The following SPOCK1 variants were observed in gnomAD, a reference collection of about 807,000 sequenced individuals.
SPOCK1 encodes the protein testican-1.
Under a neutral mutation model 55.3 loss-of-function variants are expected in SPOCK1, and 23 were observed. The observed-to-expected ratio is 0.42, with a 90% CI of 0.30 to 0.59. The LOEUF (loss-of-function observed/expected upper bound fraction) is 0.59. Among genes scored for constraint, SPOCK1 ranks in the 20% least tolerant of loss-of-function variants. The pLI, the probability that SPOCK1 is intolerant of heterozygous loss-of-function variation, is 0.22. For missense variants in SPOCK1, 499 were observed against 552.5 expected (o/e 0.90, Z 0.97); for synonymous variants, 226 against 221.0 (o/e 1.02, Z -0.20).
intron 2 of SPOCK1, among the ~76,000 whole-genome samples, chr5:137,425,239 G>C (rs1752584214): frequency 6.6e-6 from 1 of 152,124 alleles, no homozygotes; most frequent in Non-Finnish European, 1.5e-5. Context: ...TGTACTTATT[G>C]ATCTGCTCTG....
At chr5:137,173,684 G>T (rs1356996752) in intron 3 of SPOCK1, among the ~76,000 whole-genome samples, 2 of 152,084 alleles carry the variant, frequency 1.3e-5, no homozygotes, top group African/African-American at 4.8e-5. Context: ...AGTTTGAATG[G>T]CATATGAGGT....
chr5:137,071,969 A>C lies in SPOCK1; in HGVS notation c.475-4140T>G, dbSNP rs528204962. On this transcript the variant is annotated intron_variant, in intron 5 of 10. Transcript: ENST00000394945. Reference sequence around the variant, plus strand: ...GTTAGTGGCGCTTTGTTACAGTAGCACTAACAAATTAATATTCTTTCCATC... The same window carrying C: ...GTTAGTGGCGCTTTGTTACAGTAGCCCTAACAAATTAATATTCTTTCCATC... Among the ~76,000 whole-genome samples, 3 of 152,346 alleles carry C rather than the reference A, an allele frequency of 2.0e-5. No homozygotes were observed. The South Asian group carries it at 6.2e-4, about 32-fold the overall frequency.
intron 4 of SPOCK1, among the ~76,000 whole-genome samples, chr5:137,128,065 G>A (rs1420017198): frequency 6.6e-6 from 1 of 152,198 alleles, no homozygotes; most frequent in African/African-American, 2.4e-5. Context: ...CCTTTGGACA[G>A]TAATTAGGTC....
At chr5:137,405,436 G>A (rs747282119) in intron 2 of SPOCK1, among the ~76,000 whole-genome samples, 17 of 152,136 alleles carry the variant, frequency 1.1e-4, no homozygotes, top group Admixed American at 3.3e-4. Flanking sequence ...CTGGCTGCCC[G>A]TTTCTCCTGT....
intron 2 of SPOCK1, among the ~76,000 whole-genome samples, chr5:137,451,113 C>G (rs1753246475): frequency 6.6e-6 from 1 of 152,184 alleles, no homozygotes; most frequent in Non-Finnish European, 1.5e-5. Flanking sequence ...CTACCCAGGA[C>G]TCAAACTTTT....
chr5:137,238,240 A>C (rs1163935819), intron 3 of SPOCK1, among the ~76,000 whole-genome samples: 1 of 152,242 alleles, frequency 6.6e-6, no homozygotes, highest in Non-Finnish European at 1.5e-5. Flanking sequence ...AGTACTAATG[A>C]AGTGTTAACA....
intron 2 of SPOCK1, among the ~76,000 whole-genome samples, chr5:137,371,491 A>T (rs1751201869): frequency 6.6e-6 from 1 of 152,222 alleles, no homozygotes; most frequent in Non-Finnish European, 1.5e-5. Context: ...GCCTCTGGGG[A>T]TTCTACAAAG....
chr5:137,353,829 C>T (rs994819946), intron 2 of SPOCK1, among the ~76,000 whole-genome samples: 1 of 152,120 alleles, frequency 6.6e-6, no homozygotes, highest in Non-Finnish European at 1.5e-5. Context: ...CCCAGTCTCT[C>T]CCTGGCAGAC....
At chr5:137,416,020 C>T (rs1407190850) in intron 2 of SPOCK1, among the ~76,000 whole-genome samples, 1 of 151,914 alleles carries the variant, frequency 6.6e-6, no homozygotes, top group Non-Finnish European at 1.5e-5. Flanking sequence ...TGCTCCAAAC[C>T]AGTCATAAAG....
intron 2 of SPOCK1, among the ~76,000 whole-genome samples, chr5:137,289,458 G>A (rs987986198): frequency 7.9e-5 from 12 of 152,128 alleles, no homozygotes; most frequent in African/African-American, 2.7e-4. Flanking sequence ...TTTAAAAAGA[G>A]GTCTAACATG....
chr5:137,362,983 A>C (rs1053803810), intron 2 of SPOCK1, among the ~76,000 whole-genome samples: 1 of 152,242 alleles, frequency 6.6e-6, no homozygotes, highest in Non-Finnish European at 1.5e-5. Flanking sequence ...ACCCTAGGTT[A>C]GTTTGACTCC....
intron 2 of SPOCK1, among the ~76,000 whole-genome samples, chr5:137,477,932 T>C (rs1753870092): frequency 6.6e-6 from 1 of 152,226 alleles, no homozygotes; most frequent in Admixed American, 6.5e-5. Flanking sequence ...GTGAACAGAA[T>C]GAAGTGGACT....
At chr5:137,223,123 G>T (rs374943618) in intron 3 of SPOCK1, among the ~76,000 whole-genome samples, 1 of 151,938 alleles carries the variant, frequency 6.6e-6, no homozygotes, top group Admixed American at 6.6e-5. Flanking sequence ...AAATAAAGCA[G>T]GGAAAGGAGA....
intron 3 of SPOCK1, among the ~76,000 whole-genome samples, chr5:137,259,513 T>G (rs924828290): frequency 6.6e-6 from 1 of 152,014 alleles, no homozygotes; most frequent in East Asian, 1.9e-4. Flanking sequence ...AGGGGAGGGA[T>G]AGCATTAGGA....
At chr5:137,377,506 G>A (rs1345818821) in intron 2 of SPOCK1, among the ~76,000 whole-genome samples, 1 of 152,136 alleles carries the variant, frequency 6.6e-6, no homozygotes, top group African/African-American at 2.4e-5. Flanking sequence ...GCTTAAAGTT[G>A]ATTTAACTTT....
intron 2 of SPOCK1, among the ~76,000 whole-genome samples, chr5:137,425,341 T>C (rs1011908610): frequency 3.3e-5 from 5 of 152,162 alleles, no homozygotes; most frequent in Admixed American, 1.3e-4. Context: ...AGATATATCC[T>C]ACTGCACATT....
At chr5:137,312,556 T>A (rs1367887161) in intron 2 of SPOCK1, among the ~76,000 whole-genome samples, 1 of 152,172 alleles carries the variant, frequency 6.6e-6, no homozygotes, top group East Asian at 1.9e-4. Flanking sequence ...TTAATTTAAA[T>A]TCAGATGCTG....
chr5:137,377,136 G>A (rs1638289560), intron 2 of SPOCK1, among the ~76,000 whole-genome samples: 1 of 152,200 alleles, frequency 6.6e-6, no homozygotes, highest in Non-Finnish European at 1.5e-5. Context: ...CAGTTTGTTG[G>A]CCCAATGAGG....
rs770232007 is a variant in SPOCK1 at position 137,351,900 on chromosome 5, C to T, written c.187-84845G>A. Among the ~76,000 whole-genome samples the T allele has an allele frequency of 2.4e-3, 363 of 152,336 alleles. 6 individuals are homozygous for T. The highest frequency in any genetic ancestry group is 0.017 in the Middle Eastern group (5 of 294). Reference sequence around the variant, plus strand: ...CATGAATCCCAGCTCAGCCTCTCATCAGCCTTGCTCTAGATGGCACAGTGG... The same window carrying T: ...CATGAATCCCAGCTCAGCCTCTCATTAGCCTTGCTCTAGATGGCACAGTGG... On this transcript the variant is annotated intron_variant, in intron 2 of 10. Coordinates refer to ENST00000394945, the MANE Select transcript of SPOCK1 (RefSeq NM_004598.4).
Sources: allele counts gnomAD v4.1 joint callset (sites outside exome capture counted in the v4.1 genomes callset), GRCh38; gene constraint gnomAD v4.1.1; transcripts MANE v1.5; gene names NCBI Gene and HGNC (gene_info 2026-07-23, HGNC 2026-07-21).